Variants in ENTREP2 observed in about 807,000 individuals in gnomAD.
ENTREP2 encodes protein ENTREP2.
At chr15:29,673,948 G>A in the ENTREP2 span, among the ~76,000 whole-genome samples, 2 of 152,184 alleles carry the variant, frequency 1.3e-5, no homozygotes, top group South Asian at 2.1e-4. Flanking sequence ...TTGAGTACCC[G>A]TCCTGTTGCT....
chr15:29,563,558 G>A, the ENTREP2 span, among the ~76,000 whole-genome samples: 1 of 152,172 alleles, frequency 6.6e-6, no homozygotes, highest in Admixed American at 6.5e-5. Context: ...CAGGATGGGA[G>A]CAGTGGCTCG....
chr15:29,656,547 G>C, the ENTREP2 span, among the ~76,000 whole-genome samples: 1 of 152,158 alleles, frequency 6.6e-6, no homozygotes, highest in Admixed American at 6.5e-5. Context: ...TAAAGTAGAA[G>C]AATTCTGATA....
At chr15:29,591,008 A>G in the ENTREP2 span, among the ~76,000 whole-genome samples, 3 of 152,218 alleles carry the variant, frequency 2.0e-5, no homozygotes, top group African/African-American at 7.2e-5. Flanking sequence ...TAAACCTTCA[A>G]ACATTGCTGT....
chr15:29,403,604 GCT>G, the ENTREP2 span, among the ~76,000 whole-genome samples: 1 of 152,138 alleles, frequency 6.6e-6, no homozygotes, highest in East Asian at 1.9e-4. Flanking sequence ...TAGACAAATT[GCT>G]CTTTCTTTTC....
the ENTREP2 span, among the ~76,000 whole-genome samples, chr15:29,587,165 G>GTA: frequency 7.2e-6 from 1 of 139,220 alleles, no homozygotes; most frequent in African/African-American, 2.5e-5. Context: ...GTGTGTGTGT[G>GTA]TGTGTGTGTG....
chr15:29,128,803 C>A, the ENTREP2 span: 1 of 1,550,566 alleles, frequency 6.4e-7, no homozygotes, highest in African/African-American at 1.4e-5. Context: ...AGTGCTGAAG[C>A]CAGCACTGGT....
the ENTREP2 span, among the ~76,000 whole-genome samples, chr15:29,641,280 C>G: frequency 6.6e-6 from 1 of 152,116 alleles, no homozygotes; most frequent in Non-Finnish European, 1.5e-5. Context: ...GCCACCTCTA[C>G]TCAATATTAT....
At chr15:29,333,260 C>T in the ENTREP2 span, among the ~76,000 whole-genome samples, 20 of 152,256 alleles carry the variant, frequency 1.3e-4, no homozygotes, top group East Asian at 7.7e-4. Flanking sequence ...TAACATCAAA[C>T]GCCACCATAA....
At chr15:29,364,685 A>G in the ENTREP2 span, among the ~76,000 whole-genome samples, 1 of 152,204 alleles carries the variant, frequency 6.6e-6, no homozygotes, top group Non-Finnish European at 1.5e-5. Flanking sequence ...AGTCATTTCA[A>G]ATAAACTGAA....
the ENTREP2 span, chr15:29,267,647 T>C: frequency 1.3e-5 from 2 of 152,102 alleles, no homozygotes; most frequent in Non-Finnish European, 2.9e-5. Flanking sequence ...TATTTCCCCA[T>C]ACAATAGAGT....
chr15:29,436,910 G>A, the ENTREP2 span, among the ~76,000 whole-genome samples: 1 of 152,172 alleles, frequency 6.6e-6, no homozygotes, highest in Admixed American at 6.5e-5. Context: ...ATTTCAAACG[G>A]TCATATTTAC....
At chr15:29,587,249 C>T in the ENTREP2 span, among the ~76,000 whole-genome samples, 9 of 150,412 alleles carry the variant, frequency 6.0e-5, no homozygotes, top group African/African-American at 2.2e-4. Flanking sequence ...TAGCAATGAA[C>T]ATCCCAAGGG....
the ENTREP2 span, among the ~76,000 whole-genome samples, chr15:29,365,662 TA>T: frequency 6.7e-6 from 1 of 150,284 alleles, no homozygotes; most frequent in Admixed American, 6.6e-5. Context: ...CCAAAAATTA[TA>T]AAAAAAAATA....
the ENTREP2 span, among the ~76,000 whole-genome samples, chr15:29,499,431 T>G: frequency 6.6e-6 from 1 of 152,158 alleles, no homozygotes; most frequent in East Asian, 1.9e-4. Flanking sequence ...TTGCCCAGGC[T>G]GGAGTGCAGT....
chr15:29,550,924 CCA>C, the ENTREP2 span, among the ~76,000 whole-genome samples: 3 of 152,130 alleles, frequency 2.0e-5, no homozygotes, highest in Non-Finnish European at 2.9e-5. Context: ...AGTGATCTGC[CCA>C]CAGTCACACA....
chr15:29,259,890 T>C, the ENTREP2 span, among the ~76,000 whole-genome samples: 1 of 151,950 alleles, frequency 6.6e-6, no homozygotes, highest in South Asian at 2.1e-4. Flanking sequence ...TCTGTACAAA[T>C]TGAAGTTGAG....
chr15:29,479,644 C>CTT, the ENTREP2 span, among the ~76,000 whole-genome samples: 1 of 150,386 alleles, frequency 6.6e-6, no homozygotes, highest in Non-Finnish European at 1.5e-5. Flanking sequence ...CTCCCTCTCT[C>CTT]TCTGTCTGTC....
chr15:29,155,084 C>T, the ENTREP2 span, among the ~76,000 whole-genome samples: 1 of 151,338 alleles, frequency 6.6e-6, no homozygotes, highest in Non-Finnish European at 1.5e-5. Flanking sequence ...AGATCGAGAC[C>T]ATCCTGGCTA....
the ENTREP2 span, among the ~76,000 whole-genome samples, chr15:29,496,542 G>A: frequency 1.4e-4 from 22 of 152,182 alleles, no homozygotes; most frequent in Non-Finnish European, 2.2e-4. Context: ...GGTTGACTAT[G>A]ATGGTAGCTT....
Sources: allele counts gnomAD v4.1 joint callset (sites outside exome capture counted in the v4.1 genomes callset), GRCh38; gene constraint gnomAD v4.1.1; transcripts MANE v1.5; gene names NCBI Gene and HGNC (gene_info 2026-07-23, HGNC 2026-07-21).